Variants in SLC33A2 observed in about 807,000 individuals in gnomAD.
SLC33A2 encodes the protein major facilitator superfamily domain containing 3.
the SLC33A2 span, chr8:144,510,727 G>C: frequency 2.0e-5 from 32 of 1,594,720 alleles, no homozygotes; most frequent in African/African-American, 4.0e-5. Context: ...TGAGAGGTGA[G>C]GGGCTGGCCT....
At chr8:144,510,354 C>T in the SLC33A2 span, 1 of 1,611,714 alleles carries the variant, frequency 6.2e-7, no homozygotes, top group Non-Finnish European at 8.5e-7. Context: ...CCCCCCACCA[C>T]CCAAGGTGAG....
the SLC33A2 span, chr8:144,509,773 CCGCGCTAGCTGGGGG>C: frequency 1.3e-6 from 2 of 1,557,734 alleles, no homozygotes; most frequent in Non-Finnish European, 1.7e-6. Context: ...AAGCTGGGGG[CCGCGCTAGCTGGGGG>C]CGCGCTGCTG....
the SLC33A2 span, chr8:144,510,381 T>C: frequency 6.2e-7 from 1 of 1,612,518 alleles, no homozygotes; most frequent in Non-Finnish European, 8.5e-7. Context: ...GCCAGCAGCC[T>C]GTTTCCTCTT....
At chr8:144,510,248 G>T in the SLC33A2 span, 2 of 1,501,290 alleles carry the variant, frequency 1.3e-6, no homozygotes, top group South Asian at 2.5e-5. Flanking sequence ...CCCAGTATCT[G>T]CAGCTCTGGA....
At chr8:144,509,561 C>A in the SLC33A2 span, 1 of 1,519,758 alleles carries the variant, frequency 6.6e-7, no homozygotes, top group Middle Eastern at 1.9e-4. Flanking sequence ...GCACGGCGGG[C>A]CTGGGCCTGG....
At chr8:144,509,496 G>A in the SLC33A2 span, 2 of 1,534,070 alleles carry the variant, frequency 1.3e-6, no homozygotes, top group South Asian at 1.2e-5. Flanking sequence ...GCTCAAGCTG[G>A]CTTGGGCCCC....
the SLC33A2 span, chr8:144,509,522 G>A: frequency 6.5e-7 from 1 of 1,528,360 alleles, no homozygotes; most frequent in Non-Finnish European, 8.7e-7. Context: ...TGGACGCGCA[G>A]GGCTCGGCGA....
the SLC33A2 span, chr8:144,510,255 T>C: frequency 2.2e-5 from 34 of 1,528,050 alleles, 1 homozygote; most frequent in South Asian, 2.7e-4. Flanking sequence ...TCTGCAGCTC[T>C]GGAACACTGA....
chr8:144,509,263 G>A, the SLC33A2 span: 4 of 1,388,784 alleles, frequency 2.9e-6, no homozygotes, highest in East Asian at 5.5e-5. Flanking sequence ...GACCCCACGC[G>A]GAGGGGACCT....
the SLC33A2 span, chr8:144,509,575 G>T: frequency 6.5e-7 from 1 of 1,528,408 alleles, no homozygotes. Context: ...GGCCTGGTGT[G>T]TGGGCTGCTT....
chr8:144,509,193 C>T, the SLC33A2 span: 2 of 840,656 alleles, frequency 2.4e-6, no homozygotes, highest in Admixed American at 3.3e-5. Flanking sequence ...CAGACCCTAG[C>T]CTGTACGACG....
At chr8:144,510,197 G>T in the SLC33A2 span, 5 of 1,302,350 alleles carry the variant, frequency 3.8e-6, no homozygotes, top group African/African-American at 2.9e-5. Context: ...CCCAGCTCTA[G>T]CCCCATCCCT....
chr8:144,509,329 C>G, the SLC33A2 span: 4 of 1,455,286 alleles, frequency 2.7e-6, no homozygotes, highest in South Asian at 1.4e-5. Flanking sequence ...CCGGCCTGAG[C>G]CGCCATGCGC....
At chr8:144,510,828 C>A in the SLC33A2 span, 1 of 1,611,158 alleles carries the variant, frequency 6.2e-7, no homozygotes, top group Admixed American at 1.7e-5. Flanking sequence ...TGCAGCACTT[C>A]TTGGGAGGCC....
chr8:144,509,618 C>T, the SLC33A2 span: 62 of 1,557,816 alleles, frequency 4.0e-5, no homozygotes, highest in Non-Finnish European at 5.3e-5. Context: ...CTGGCCAGGC[C>T]GGGCTGCCCG....
the SLC33A2 span, chr8:144,509,953 G>A: frequency 1.3e-6 from 2 of 1,594,728 alleles, no homozygotes; most frequent in Non-Finnish European, 1.7e-6. Context: ...CACCTTCTGC[G>A]GGACGTGCTA....
At chr8:144,510,508 G>A in the SLC33A2 span, 19 of 1,612,528 alleles carry the variant, frequency 1.2e-5, 1 homozygote, top group Admixed American at 8.3e-5. Context: ...CCAAGCACTG[G>A]TGAGCCCTCC....
At chr8:144,510,221 G>C in the SLC33A2 span, 2 of 1,399,928 alleles carry the variant, frequency 1.4e-6, no homozygotes, top group Non-Finnish European at 1.9e-6. Flanking sequence ...CGCTCTCTCG[G>C]GCTGCCCCAC....
the SLC33A2 span, chr8:144,510,679 G>A: frequency 6.4e-7 from 1 of 1,560,666 alleles, no homozygotes; most frequent in African/African-American, 1.4e-5. Flanking sequence ...TCTTCCACCT[G>A]GACACCCTGG....
Sources: allele counts gnomAD v4.1 joint callset, GRCh38; gene constraint gnomAD v4.1.1; transcripts MANE v1.5; gene names NCBI Gene and HGNC (gene_info 2026-07-23, HGNC 2026-07-21).